Variants in CUL1 observed in about 807,000 individuals in gnomAD.
CUL1 encodes the protein cullin 1.
Under a neutral mutation model 118.0 loss-of-function variants are expected in CUL1, and 24 were observed. That is an observed-to-expected ratio of 0.20 (90% CI 0.15 to 0.29). CUL1 has a LOEUF of 0.29. Among genes scored for constraint, CUL1 ranks in the 10% least tolerant of loss-of-function variants. CUL1 has a pLI of 1.00. For missense variants in CUL1, 361 were observed against 933.8 expected, an observed-to-expected ratio of 0.39 and a Z score of 7.99; for synonymous variants, 332 against 340.4, an observed-to-expected ratio of 0.98 and a Z score of 0.27.
chr7:148,754,181 C>T (rs1219183716), intron 3 of CUL1, 31 bp downstream of exon 3: 1 of 1,350,356 alleles, frequency 7.4e-7, no homozygotes, highest in Non-Finnish European at 1.0e-6. Flanking sequence ...ACTGAGTATT[C>T]ATAACAGGAT....
At chr7:148,748,726 G>A (rs953849701) in intron 2 of CUL1, among the ~76,000 whole-genome samples, 10 of 152,182 alleles carry the variant, frequency 6.6e-5, no homozygotes, top group African/African-American at 9.6e-5. Context: ...TGGCCCCCCC[G>A]TTCTGGCCCA....
At chr7:148,730,901 A>G (rs531692191) in intron 2 of CUL1, among the ~76,000 whole-genome samples, 43 of 152,066 alleles carry the variant, frequency 2.8e-4, no homozygotes, top group Middle Eastern at 6.8e-3. Context: ...AGCCTCAACT[A>G]CCTGCACTCA....
At chr7:148,710,270 C>T (rs1773696721) in intron 1 of CUL1, among the ~76,000 whole-genome samples, 1 of 148,718 alleles carries the variant, frequency 6.7e-6, no homozygotes, top group African/African-American at 2.5e-5. Flanking sequence ...TGACTAGGGG[C>T]ATTACTATAA....
At chr7:148,720,065 G>A (rs1215574618) in intron 1 of CUL1, among the ~76,000 whole-genome samples, 1 of 152,204 alleles carries the variant, frequency 6.6e-6, no homozygotes, top group Admixed American at 6.5e-5. Context: ...GTCTAGCGTA[G>A]CAGCTACAGT....
At chr7:148,763,015 C>T (rs552211797) in intron 7 of CUL1, among the ~76,000 whole-genome samples, 1 of 152,184 alleles carries the variant, frequency 6.6e-6, no homozygotes, top group Admixed American at 6.5e-5. Flanking sequence ...AGTGTGGTGG[C>T]GGACGCCTGT....
intron 2 of CUL1, among the ~76,000 whole-genome samples, chr7:148,731,845 CG>C (rs1400443034): frequency 3.9e-5 from 6 of 152,166 alleles, no homozygotes; most frequent in Non-Finnish European, 5.9e-5. Flanking sequence ...CCTTGTAGCG[CG>C]TATCACTGTG....
At chr7:148,797,662 C>A in intron 17 of CUL1, 150 bp from the exon 18 acceptor site, 1 of 634,776 alleles carries the variant, frequency 1.6e-6, no homozygotes, top group Non-Finnish European at 2.7e-6. Flanking sequence ...CTAAGAAGTA[C>A]CAACTTTTTT....
At chr7:148,711,072 T>C (rs1487809737) in intron 1 of CUL1, among the ~76,000 whole-genome samples, 1 of 152,166 alleles carries the variant, frequency 6.6e-6, no homozygotes, top group African/African-American at 2.4e-5. Flanking sequence ...TCTTATTGAA[T>C]GTTGTCATCG....
rs942998459 is a variant in CUL1 at position 148,719,308 on chromosome 7, C to CA, written c.-161-10642dup. Among the ~76,000 whole-genome samples the CA allele has an allele frequency of 5.2e-3, 710 of 137,470 alleles. 1 individual carries two copies. The highest frequency in any genetic ancestry group is 0.012 in the East Asian group (57 of 4,844). 90.2% of individuals were successfully genotyped at this position (137,470 alleles called of 152,430 possible). On this transcript the variant is annotated intron_variant, in intron 1 of 21. Coordinates refer to ENST00000325222, the MANE Select transcript of CUL1 (RefSeq NM_003592.3). ...CCTTGGTGACAGAGCGAGACTTCGT[C>CA]AAAAAAAAAAAATAAAATAACTTAG...
At chr7:148,735,673 C>T (rs762072817) in intron 2 of CUL1, among the ~76,000 whole-genome samples, 3 of 152,234 alleles carry the variant, frequency 2.0e-5, no homozygotes, top group Non-Finnish European at 4.4e-5. Context: ...TAATCTGATT[C>T]TGCTCACCTA....
chr7:148,798,317 T>G (rs1475895187), intron 19 of CUL1, among the ~76,000 whole-genome samples: 1 of 151,976 alleles, frequency 6.6e-6, no homozygotes, highest in Non-Finnish European at 1.5e-5. Flanking sequence ...TTGACAAAAT[T>G]TGGGAGAGCA....
At chr7:148,736,760 A>G (rs1235806944) in intron 2 of CUL1, among the ~76,000 whole-genome samples, 1 of 152,264 alleles carries the variant, frequency 6.6e-6, no homozygotes, top group Non-Finnish European at 1.5e-5. Flanking sequence ...AATATTAAGG[A>G]TAACTATAAA....
chr7:148,698,580 A>C (rs243549), upstream of CUL1: 75,100 of 151,586 alleles, frequency 0.5, 19,263 homozygotes, highest in South Asian at 0.61. Flanking sequence ...TCGGCCGCGG[A>C]AGGGGCGCCC....
chr7:148,712,488 G>A (rs1391291311), intron 1 of CUL1, among the ~76,000 whole-genome samples: 1 of 152,142 alleles, frequency 6.6e-6, no homozygotes, highest in Non-Finnish European at 1.5e-5. Context: ...AGTTATCAAA[G>A]GTATTGTGGA....
At chr7:148,732,964 C>T (rs1286436123) in intron 2 of CUL1, among the ~76,000 whole-genome samples, 1 of 152,024 alleles carries the variant, frequency 6.6e-6, no homozygotes, top group Non-Finnish European at 1.5e-5. Context: ...GAAATAATGG[C>T]TACAGCTGTC....
rs373986669 is a variant in CUL1 at position 148,797,800 on chromosome 7, C to T, written c.1900-12C>T. On this transcript the variant is annotated splice_polypyrimidine_tract_variant and intron_variant, in intron 17 of 21. Coordinates refer to ENST00000325222, the MANE Select transcript of CUL1 (RefSeq NM_003592.3). ...TTTCCCTTTAACTTCCTCTTTTTCT[C>T]TTTAATTGCAGGACATTTTGGCGCA... 2.8e-4 allele frequency: 452 copies of T among 1,605,160 alleles called. 1 individual carries two copies. Among genetic ancestry groups the T allele is most frequent in the South Asian group, 1.6e-3 (145 of 90,178 alleles).
rs192771370 is a variant in CUL1, at chr7:148,794,085, G to A, written c.1899+1267G>A. ...GATCAAATTCTTTGCCCATTTTTCAGTTGGGTTATTTGTCTTTTTGTTGTT... is the reference window on the plus strand; with the variant it reads ...GATCAAATTCTTTGCCCATTTTTCAATTGGGTTATTTGTCTTTTTGTTGTT... On this transcript the variant is annotated intron_variant, in intron 17 of 21. Coordinates refer to ENST00000325222, the MANE Select transcript of CUL1 (RefSeq NM_003592.3). Among the ~76,000 whole-genome samples the A allele has an allele frequency of 5.4e-3, 821 of 151,808 alleles. 13 individuals carry two copies. Among genetic ancestry groups the A allele is most frequent in the South Asian group, 0.039 (187 of 4,814 alleles).
chr7:148,794,286 T>C (rs927433908), intron 17 of CUL1, among the ~76,000 whole-genome samples: 7 of 152,184 alleles, frequency 4.6e-5, no homozygotes, highest in African/African-American at 1.4e-4. Flanking sequence ...GGTTTTGGTG[T>C]CATTTTTAAG....
At chr7:148,721,596 A>T (rs1798398863) in intron 1 of CUL1, among the ~76,000 whole-genome samples, 1 of 152,204 alleles carries the variant, frequency 6.6e-6, no homozygotes, top group South Asian at 2.1e-4. Context: ...TAAGCAGATA[A>T]GTGTGTGTGG....
Sources: allele counts gnomAD v4.1 joint callset (sites outside exome capture counted in the v4.1 genomes callset), GRCh38; gene constraint gnomAD v4.1.1; transcripts MANE v1.5; gene names NCBI Gene and HGNC (gene_info 2026-07-23, HGNC 2026-07-21).